The following SESN1 variants were observed in gnomAD, a reference collection of about 807,000 sequenced individuals.
SESN1 encodes sestrin 1, also known as sestrin-1.
SESN1 carries 30 observed loss-of-function variants against 59.3 expected under a neutral mutation model. The ratio of observed to expected loss-of-function variants is 0.51; its 90% CI spans 0.38 to 0.69. SESN1 has a LOEUF of 0.69. Ranked by LOEUF, SESN1 falls within the 30% of genes least tolerant of loss-of-function variation. SESN1 has a pLI of 0.00. For synonymous variants in SESN1, 197 were observed against 219.9 expected, an observed-to-expected ratio of 0.90 and a Z score of 0.92; for missense variants, 566 against 673.0, an observed-to-expected ratio of 0.84 and a Z score of 1.76.
chr6:108,984,396 C>A lies in SESN1; in HGVS notation c.*3148G>T, dbSNP rs1252819583. 6.6e-6 allele frequency among the ~76,000 whole-genome samples: 1 copy of A among 152,140 alleles called. No individual in the cohort carries two copies. Among genetic ancestry groups the A allele is most frequent in the Non-Finnish European group, 1.5e-5 (1 of 68,022 alleles). The stretch of plus-strand genomic sequence containing the variant: ...GGATTTAGTGCCTAGTGAGTGTTTT[C>A]TTCCTCACAGATGGCACACTCTAGC... On this transcript the variant is annotated 3_prime_UTR_variant, in exon 10 of 10. Coordinates refer to ENST00000436639, the MANE Select transcript of SESN1 (RefSeq NM_014454.3).
At chr6:108,989,572 G>T (rs1431581549) in intron 8 of SESN1, among the ~76,000 whole-genome samples, 1 of 127,614 alleles carries the variant, frequency 7.8e-6, no homozygotes, top group Admixed American at 7.5e-5. Flanking sequence ...TAGATCTAGA[G>T]ATATCTATAT....
intron 1 of SESN1, among the ~76,000 whole-genome samples, chr6:109,050,286 G>C (rs1334606935): frequency 6.6e-6 from 1 of 151,664 alleles, no homozygotes; most frequent in Non-Finnish European, 1.5e-5. Context: ...GCATCTGTCT[G>C]CAACAGCGCC....
intron 4 of SESN1, 65 bp downstream of exon 4, chr6:109,000,426 G>C (rs1293627684): frequency 3.1e-5 from 39 of 1,265,172 alleles, no homozygotes. Flanking sequence ...CGATTTTTCT[G>C]TAATCCTAAA....
Position 108,998,564 on chromosome 6 carries a change from A to AT in SESN1, c.920dup (p.Asn307LysfsTer8). The AT allele has an allele frequency of 6.2e-7, 1 of 1,613,932 alleles. No homozygotes were observed. The highest frequency in any genetic ancestry group is 8.5e-7 in the Non-Finnish European group (1 of 1,179,814). On this transcript the variant is annotated frameshift_variant, in exon 5 of 10. Coordinates refer to ENST00000436639, the MANE Select transcript of SESN1 (RefSeq NM_014454.3). LOFTEE classifies it high-confidence loss of function. ...GCATCTCATCCACACTGTGATTGCC[A>AT]TTTGTAATGTCACAGATGCAGTAGT...
intron 1 of SESN1, among the ~76,000 whole-genome samples, chr6:109,055,421 G>C (rs6929914): frequency 0.061 from 9,240 of 152,108 alleles, 920 homozygotes; most frequent in African/African-American, 0.21. Context: ...CCAGCCCTTT[G>C]AGGGGCTGAG....
chr6:109,015,149 G>A (rs1779911701), intron 1 of SESN1, among the ~76,000 whole-genome samples: 1 of 152,148 alleles, frequency 6.6e-6, no homozygotes, highest in Non-Finnish European at 1.5e-5. Context: ...TTGAGGCTTA[G>A]GGGCCACAAA....
At chr6:109,050,748 G>A (rs1228593795) in intron 1 of SESN1, among the ~76,000 whole-genome samples, 1 of 152,094 alleles carries the variant, frequency 6.6e-6, no homozygotes, top group African/African-American at 2.4e-5. Flanking sequence ...TTCCAAGAGA[G>A]CTATCTTCTT....
At chr6:109,062,818 C>T (rs1257727000) in intron 1 of SESN1, among the ~76,000 whole-genome samples, 3 of 151,950 alleles carry the variant, frequency 2.0e-5, no homozygotes, top group African/African-American at 7.3e-5. Flanking sequence ...ATTAAAAACA[C>T]TAAGTAACAA....
At chr6:109,065,754 C>A (rs951329470) in intron 1 of SESN1, among the ~76,000 whole-genome samples, 28 of 151,206 alleles carry the variant, frequency 1.9e-4, no homozygotes, top group Non-Finnish European at 3.0e-4. Context: ...AAAATACTGA[C>A]CCCTTATTAA....
chr6:109,013,567 A>C (rs1779891778), intron 1 of SESN1, among the ~76,000 whole-genome samples: 1 of 152,238 alleles, frequency 6.6e-6, no homozygotes. Context: ...AAAAAGCAGT[A>C]ATTAGGTTAA....
chr6:109,058,530 T>A (rs1046273618), intron 1 of SESN1, among the ~76,000 whole-genome samples: 2 of 152,342 alleles, frequency 1.3e-5, no homozygotes, highest in South Asian at 2.1e-4. Context: ...CATTAGGTGA[T>A]GCGTGACTGT....
At chr6:109,025,721 T>G (rs988014998) in intron 1 of SESN1, among the ~76,000 whole-genome samples, 2 of 152,104 alleles carry the variant, frequency 1.3e-5, no homozygotes, top group Non-Finnish European at 2.9e-5. Context: ...ATACTCAGTA[T>G]AGCTGAAAAT....
At chr6:109,044,914 T>C (rs778070655) in intron 1 of SESN1, among the ~76,000 whole-genome samples, 2 of 152,016 alleles carry the variant, frequency 1.3e-5, no homozygotes, top group Non-Finnish European at 2.9e-5. Flanking sequence ...TCTCAGCTAC[T>C]TGGGCAGCTG....
Position 109,094,006 on chromosome 6 carries a change from G to C in SESN1, c.68C>G (p.Thr23Arg). The C allele has an allele frequency of 6.2e-7, 1 of 1,614,118 alleles. No homozygotes were observed. Among genetic ancestry groups the C allele is most frequent in the Non-Finnish European group, 8.5e-7 (1 of 1,180,020 alleles). ...GGTTTGCCTAATGTTTTCCAATGCT[G>C]TCTCCCTAGTAGTTGAATCTCTGCT... The part of the protein sequence containing the change: ...LCSRDSTTRE[T>R]ALENIRQTIL... The change falls in exon 1 of 10, where the codon ACA becomes AGA. Residue 23 changes from threonine (T) to arginine (R), a missense_variant. Thr to Arg is a moderately conservative substitution (Grantham distance 71). Transcript: ENST00000436639.
chr6:109,018,949 T>G (rs1310896506), intron 1 of SESN1, among the ~76,000 whole-genome samples: 1 of 152,128 alleles, frequency 6.6e-6, no homozygotes, highest in East Asian at 1.9e-4. Context: ...ATTATGCATA[T>G]AAGAAAATAT....
At chr6:109,004,098 A>T (rs1402495807) in intron 1 of SESN1, among the ~76,000 whole-genome samples, 1 of 152,212 alleles carries the variant, frequency 6.6e-6, no homozygotes, top group Non-Finnish European at 1.5e-5. Flanking sequence ...TCAGAAAAAA[A>T]GTGAAGCTGG....
At chr6:108,990,316 G>C (rs1360618636) in intron 8 of SESN1, among the ~76,000 whole-genome samples, 2 of 152,222 alleles carry the variant, frequency 1.3e-5, no homozygotes, top group Non-Finnish European at 2.9e-5. Flanking sequence ...TGTATCAAGA[G>C]ATAGATTATA....
At chr6:108,996,988 C>T (rs909751163) in intron 5 of SESN1, among the ~76,000 whole-genome samples, 1 of 145,052 alleles carries the variant, frequency 6.9e-6, no homozygotes, top group Non-Finnish European at 1.5e-5. Context: ...CTGGAAAAGA[C>T]AACTATGGAG....
chr6:108,987,806 C>CTT (rs3029194), intron 9 of SESN1, among the ~76,000 whole-genome samples, 176 bp from the exon 10 acceptor site: 23 of 135,574 alleles, frequency 1.7e-4, no homozygotes, highest in African/African-American at 2.0e-4. Flanking sequence ...CAGCAGCTAT[C>CTT]TTTTTTTTTT....
Sources: gnomAD v4.1 joint callset for allele counts (sites outside exome capture counted in the v4.1 genomes callset) on GRCh38, gnomAD v4.1.1 for gene constraint, MANE v1.5 for transcripts, NCBI Gene and HGNC (gene_info 2026-07-23, HGNC 2026-07-21) for gene names.